The following ZNF2 variants were observed in gnomAD, a reference collection of about 807,000 sequenced individuals.
The protein encoded by ZNF2 is zinc finger protein 2.
In ZNF2, 12 loss-of-function variants were observed where a neutral mutation model predicts 21.9. The ratio of observed to expected loss-of-function variants is 0.55; its 90% CI spans 0.35 to 0.89. The LOEUF is 0.89. Ranked by LOEUF, ZNF2 falls within the 40% of genes least tolerant of loss-of-function variation. The pLI is 0.01. For missense variants in ZNF2, 462 were observed against 544.2 expected, an observed-to-expected ratio of 0.85 and a Z score of 1.50; for synonymous variants, 186 against 196.3, an observed-to-expected ratio of 0.95 and a Z score of 0.44.
chr2:95,177,388 C>A, intron 2 of ZNF2, 95 bp from the exon 3 acceptor site: 1 of 1,441,110 alleles, frequency 6.9e-7, no homozygotes, highest in South Asian at 1.4e-5. Flanking sequence ...TTCCTCCCAC[C>A]ATGCGTCCTC....
In ZNF2 at chr2:95,177,479, T is replaced by C. The variant is rs1433502311; in HGVS notation, c.34-4T>C. 6.2e-7 allele frequency: 1 copy of C among 1,613,488 alleles called. No homozygotes were observed. The highest frequency in any genetic ancestry group is 8.5e-7 in the Non-Finnish European group (1 of 1,179,652). ...AGTAAGGGAGAATGTGATTGTATTT[T>C]CAGGAATCAGTGACATTCGAAGACG... On this transcript the variant is annotated splice_polypyrimidine_tract_variant and splice_region_variant and intron_variant, in intron 2 of 4. Coordinates refer to ENST00000614034, the MANE Select transcript of ZNF2 (RefSeq NM_021088.4).
At chr2:95,166,960 A>G (rs1361858131) in intron 1 of ZNF2, among the ~76,000 whole-genome samples, 4 of 152,194 alleles carry the variant, frequency 2.6e-5, no homozygotes, top group African/African-American at 9.7e-5. Context: ...ATTACAGGAC[A>G]TGGACATCTG....
intron 3 of ZNF2, 58 bp downstream of exon 3, chr2:95,177,667 G>C (rs571097786): frequency 6.4e-7 from 1 of 1,559,272 alleles, no homozygotes; most frequent in Admixed American, 1.9e-5. Context: ...GGGGCTGAGA[G>C]GGCTGAGGAA....
At chr2:95,171,575 G>T (rs1445789969) in intron 1 of ZNF2, among the ~76,000 whole-genome samples, 1 of 152,086 alleles carries the variant, frequency 6.6e-6, no homozygotes, top group South Asian at 2.1e-4. Flanking sequence ...TAGAAACAGG[G>T]TTTCACCATC....
Position 95,181,154 on chromosome 2 carries a change from G to C in ZNF2, c.326G>C (p.Gly109Ala), listed in dbSNP as rs751944935. The C allele has an allele frequency of 1.9e-6, 3 of 1,614,072 alleles. No homozygotes were observed. The highest frequency in any genetic ancestry group is 1.7e-6 in the Non-Finnish European group (2 of 1,180,040). Reference protein sequence around the residue: ...IHDASDKKSEGSLRECLGRQS... With the variant: ...IHDASDKKSEASLRECLGRQS... ...GATGCTTCAGACAAAAAATCAGAAG[G>C]ATCATTGAGGGAATGCCTTGGAAGG... Residue 109 changes from glycine to alanine, a missense_variant, in exon 5 of 5, where the codon GGA (glycine) becomes GCA (alanine). Coordinates refer to ENST00000614034, the MANE Select transcript of ZNF2 (RefSeq NM_021088.4).
At chr2:95,175,898 C>T (rs960060504) in intron 1 of ZNF2, among the ~76,000 whole-genome samples, 1 of 152,144 alleles carries the variant, frequency 6.6e-6, no homozygotes, top group Non-Finnish European at 1.5e-5. Context: ...TGAATTTTTA[C>T]GTACTGTGTG....
At chr2:95,166,651 T>A (rs1378191436) in intron 1 of ZNF2, among the ~76,000 whole-genome samples, 1 of 151,962 alleles carries the variant, frequency 6.6e-6, no homozygotes, top group Non-Finnish European at 1.5e-5. Flanking sequence ...TGAATTATGG[T>A]GGTGGTAGTG....
rs142571177 is a variant in ZNF2, at chr2:95,166,231, C to T, written c.-40+371C>T. On this transcript the variant is annotated intron_variant, in intron 1 of 4. Coordinates refer to ENST00000614034, the MANE Select transcript of ZNF2 (RefSeq NM_021088.4). ...CTTTGCCAGACAGCGCCTCAGATTG[C>T]CTCATTTAGCTCCCTGCCCTGGGCC... 7.0e-3 allele frequency among the ~76,000 whole-genome samples: 1,057 copies of T among 151,778 alleles called. 16 individuals are homozygous for T. Among genetic ancestry groups the T allele is most frequent in the Middle Eastern group, 0.02 (6 of 294 alleles).
chr2:95,172,291 C>T (rs1171778544), intron 1 of ZNF2, among the ~76,000 whole-genome samples: 1 of 152,130 alleles, frequency 6.6e-6, no homozygotes, highest in African/African-American at 2.4e-5. Flanking sequence ...ACCGTTATCT[C>T]TTAGGGAACT....
At chr2:95,167,969 C>T (rs1235929451) in intron 1 of ZNF2, among the ~76,000 whole-genome samples, 1 of 151,870 alleles carries the variant, frequency 6.6e-6, no homozygotes, top group African/African-American at 2.4e-5. Flanking sequence ...GGTTATTATT[C>T]TCCAAAAAGT....
Position 95,184,114 on chromosome 2 carries a change from C to G in ZNF2, c.*2008C>G, listed in dbSNP as rs1674782552. The G allele has an allele frequency of 1.3e-5, 2 of 152,158 alleles. No homozygotes were observed. Among genetic ancestry groups the G allele is most frequent in the African/African-American group, 2.4e-5 (1 of 41,430 alleles). 9.4% of individuals were successfully genotyped at this position (152,158 alleles called of 1,614,324 possible). On this transcript the variant is annotated 3_prime_UTR_variant, in exon 5 of 5. Transcript: ENST00000614034. ...GGAAGTTCAAGTCGGATTCGAGAAG[C>G]TGAATTACCAAACAGACCCTCCCCA...
chr2:95,181,292 G>A lies in ZNF2; in HGVS notation c.464G>A (p.Gly155Asp). 6.2e-7 allele frequency: 1 copy of A among 1,614,030 alleles called. No homozygotes were observed. Among genetic ancestry groups the A allele is most frequent in the Non-Finnish European group, 8.5e-7 (1 of 1,179,904 alleles). ...AAGAAATCCCTCTCCCGGGACAAAG[G>A]CTTGCGGCGACGGTCAGCCCTGTCC... is the stretch of plus-strand genomic sequence containing the variant. ...TRKKSLSRDKGLRRRSALSRE... is the reference protein window; with the variant it reads ...TRKKSLSRDKDLRRRSALSRE... The change falls in exon 5 of 5, where the codon GGC becomes GAC. Residue 155 changes from glycine to aspartate, a missense_variant. Physicochemically the swap from Gly to Asp is moderately conservative, Grantham distance 94 (BLOSUM62 -1). Transcript: ENST00000614034.
Position 95,181,379 on chromosome 2 carries a change from A to T in ZNF2, c.551A>T (p.Asp184Val), listed in dbSNP as rs1376939033. 3.7e-6 allele frequency: 6 copies of T among 1,614,092 alleles called. No individual in the cohort carries two copies. The East Asian group carries it at 1.3e-4, about 36-fold the overall frequency. Residue 184 changes from aspartate (D) to valine (V), a missense_variant, in exon 5 of 5, where the codon GAC becomes GTC. Transcript: ENST00000614034. ...ECSDCGKTFF[D>V]HSSLTRHQRT... ...AGTGACTGTGGGAAGACCTTTTTTG[A>T]CCACTCATCCCTCACCCGCCATCAG...
intron 4 of ZNF2, among the ~76,000 whole-genome samples, chr2:95,180,660 G>A (rs1573403461): frequency 3.9e-5 from 6 of 152,126 alleles, no homozygotes; most frequent in South Asian, 2.1e-4. Flanking sequence ...ACAGGCACCC[G>A]CTACCACGCC....
In ZNF2 at chr2:95,177,623, C is replaced by T. The variant is rs747854180; in HGVS notation, c.160+14C>T. ...TTGTGTCATTGGGTAAGGGGAGCCTCCATGAGGAGGTACAGTCTGTACTAT... is the reference window on the plus strand; with the variant it reads ...TTGTGTCATTGGGTAAGGGGAGCCTTCATGAGGAGGTACAGTCTGTACTAT... On this transcript the variant is annotated intron_variant, in intron 3 of 4. Transcript: ENST00000614034. 4.3e-6 allele frequency: 7 copies of T among 1,612,532 alleles called. No homozygotes were observed. The African/African-American group carries it at 9.4e-5, about 22-fold the overall frequency.
At chr2:95,176,313 C>G in intron 2 of ZNF2, 54 bp downstream of exon 2, 2 of 1,610,700 alleles carry the variant, frequency 1.2e-6, no homozygotes, top group Non-Finnish European at 1.7e-6. Context: ...AGAATGTAAC[C>G]ACTTTTCTTT....
intron 1 of ZNF2, among the ~76,000 whole-genome samples, chr2:95,171,256 C>T (rs1209949140): frequency 6.6e-6 from 1 of 152,136 alleles, no homozygotes; most frequent in African/African-American, 2.4e-5. Flanking sequence ...TTCAGTCCTT[C>T]TCTGTACCTT....
chr2:95,175,040 T>C (rs1191091335), intron 1 of ZNF2, among the ~76,000 whole-genome samples: 1 of 152,156 alleles, frequency 6.6e-6, no homozygotes, highest in Non-Finnish European at 1.5e-5. Context: ...TATTTTTATA[T>C]TTTTTTATTT....
At chr2:95,167,028 G>A (rs574006441) in intron 1 of ZNF2, among the ~76,000 whole-genome samples, 4 of 152,258 alleles carry the variant, frequency 2.6e-5, no homozygotes, top group Admixed American at 6.5e-5. Flanking sequence ...TGGCAAAAAC[G>A]AAGAAAGTAC....
Sources: allele counts gnomAD v4.1 joint callset (sites outside exome capture counted in the v4.1 genomes callset), GRCh38; gene constraint gnomAD v4.1.1; transcripts MANE v1.5; gene names NCBI Gene and HGNC (gene_info 2026-07-23, HGNC 2026-07-21).